Variants in ASAH2 observed in about 807,000 individuals in gnomAD.
ASAH2 encodes the protein N-acylsphingosine amidohydrolase 2.
A neutral mutation model predicts 82.9 loss-of-function variants in ASAH2; 58 were observed. That is an observed-to-expected ratio of 0.70 (90% CI 0.57 to 0.87). The LOEUF (loss-of-function observed/expected upper bound fraction) is 0.87, where lower values mean the gene tolerates loss of function less well. ASAH2 is among the 40% of genes least tolerant of loss of function. ASAH2 has a pLI of 0.00. For synonymous variants in ASAH2, 276 were observed against 289.7 expected (o/e 0.95, Z 0.48); for missense variants, 779 against 834.0 (o/e 0.93, Z 0.81).
chr10:50,211,510 T>G (rs891227811), intron 10 of ASAH2, among the ~76,000 whole-genome samples: 40 of 152,296 alleles, frequency 2.6e-4, no homozygotes, highest in Middle Eastern at 3.4e-3. Context: ...TGTGTTTTTA[T>G]AGGGTCTTCC....
intron 7 of ASAH2, among the ~76,000 whole-genome samples, chr10:50,221,110 G>T (rs994042189): frequency 6.6e-6 from 1 of 152,162 alleles, no homozygotes; most frequent in Non-Finnish European, 1.5e-5. Flanking sequence ...CATTTATTGG[G>T]CTGAAGATAT....
chr10:50,216,732 C>T (rs1343789585), intron 8 of ASAH2, among the ~76,000 whole-genome samples: 1 of 152,192 alleles, frequency 6.6e-6, no homozygotes, highest in African/African-American at 2.4e-5. Context: ...CCCAACCACT[C>T]TACCATTCTA....
chr10:50,234,397 C>T lies in ASAH2; in HGVS notation c.815+28G>A, dbSNP rs561221017. 34 of 1,612,548 alleles carry T rather than the reference C, an allele frequency of 2.1e-5. No individual in the cohort carries two copies. In the African/African-American group the frequency reaches 2.9e-4, roughly 14 times the overall value. On this transcript the variant is annotated intron_variant, in intron 6 of 20. Transcript: ENST00000682911. ...TTGCTGTTCCCTAAAGGGAATGAAA[C>T]GATTTCATTTTGACGATTCCTCCTC... is the stretch of plus-strand genomic sequence containing the variant.
In ASAH2 at chr10:50,243,334, G is replaced by A. The variant is rs200181012; in HGVS notation, c.378C>T (p.Ser126=). 94 of 1,613,814 alleles carry A rather than the reference G, an allele frequency of 5.8e-5. 1 individual carries two copies. Among genetic ancestry groups the A allele is most frequent in the African/African-American group, 8.0e-5 (6 of 74,878 alleles). Residue 126 remains serine, a synonymous_variant, in exon 4 of 21, where the codon TCC becomes TCT. Transcript: ENST00000682911. ...TGAGGATGCCCTGTGCATTCTGGCC[G>A]GATTTGCCATAGCCCATCTAAAGAG... ...ADINLMGYGK[S]GQNAQGILTR... is the part of the protein sequence containing the mutation.
At chr10:50,217,436 C>T (rs1010367615) in intron 8 of ASAH2, among the ~76,000 whole-genome samples, 58 of 152,162 alleles carry the variant, frequency 3.8e-4, no homozygotes, top group Admixed American at 9.2e-4. Flanking sequence ...ACCATGTTGG[C>T]CAGGCTGGTC....
At chr10:50,234,652 T>C (rs532562151) in intron 5 of ASAH2, 100 bp from the exon 6 acceptor site, 1 of 1,508,504 alleles carries the variant, frequency 6.6e-7, no homozygotes, top group Admixed American at 1.7e-5. Context: ...ACAATTTCCT[T>C]TGTCTCTAAT....
In ASAH2 at chr10:50,202,843, A is replaced by T; in HGVS notation, c.1747T>A (p.Tyr583Asn). ...CNVYTHYITT[Y>N]EEYQAQRYEA... ...TTTTGCTTTACCTGGTATTCTTCAT[A>T]AGTGGTAATGTAATGTGTATAGACG... Residue 583 changes from tyrosine (Y) to asparagine (N), a missense_variant, in exon 16 of 21, where the codon TAT (tyrosine) becomes AAT (asparagine). This residue lies in a region of ASAH2 where 759 missense variants were observed against 755.2 expected (regional missense o/e 1.00). Transcript: ENST00000682911. The T allele has an allele frequency of 6.2e-7, 1 of 1,608,040 alleles. No individual in the cohort carries two copies. Among genetic ancestry groups the T allele is most frequent in the Non-Finnish European group, 8.5e-7 (1 of 1,174,896 alleles).
chr10:50,223,539 T>G (rs1845800531), intron 7 of ASAH2, among the ~76,000 whole-genome samples: 1 of 152,146 alleles, frequency 6.6e-6, no homozygotes, highest in East Asian at 1.9e-4. Flanking sequence ...AATAGAATAC[T>G]GTGTATCCAT....
chr10:50,245,852 T>C (rs1418554456), intron 2 of ASAH2, among the ~76,000 whole-genome samples: 1 of 152,122 alleles, frequency 6.6e-6, no homozygotes, highest in Non-Finnish European at 1.5e-5. Context: ...CCTCTCCATC[T>C]ACCAAACTCC....
chr10:50,211,635 G>T (rs2133207174), intron 10 of ASAH2, among the ~76,000 whole-genome samples: 1 of 152,222 alleles, frequency 6.6e-6, no homozygotes, highest in Admixed American at 6.5e-5. Context: ...CGGTGCTTTT[G>T]CTTTTGTGTT....
At chr10:50,248,435 G>A (rs201170544) in intron 2 of ASAH2, 49 bp downstream of exon 2, 38 of 1,602,526 alleles carry the variant, frequency 2.4e-5, no homozygotes, top group Non-Finnish European at 8.5e-6. Flanking sequence ...TAATCAAGAA[G>A]TTTCATACAG....
At chr10:50,218,401 A>G in intron 8 of ASAH2, 109 bp downstream of exon 8, 1 of 1,475,260 alleles carries the variant, frequency 6.8e-7, no homozygotes, top group East Asian at 2.3e-5. Context: ...AATATGTGAG[A>G]TTGATGATGA....
Position 50,235,972 on chromosome 10 carries a change from T to C in ASAH2, c.603A>G (p.Gly201=), listed in dbSNP as rs1846149157. 1.2e-5 allele frequency: 19 copies of C among 1,613,270 alleles called. No homozygotes were observed. The South Asian group carries it at 1.4e-4, about 12-fold the overall frequency. The change falls in exon 5 of 21, where the codon GGA becomes GGG. Residue 201 remains glycine (G), a synonymous_variant. Transcript: ENST00000682911. The part of the protein sequence containing the change: ...SGTHTHSGPA[G]YFQYTVFVIA... ...TTACAAACACGGTATACTGGAAATA[T>C]CCTGCAGGACCTGAATGAGTGTGAG...
intron 4 of ASAH2, among the ~76,000 whole-genome samples, chr10:50,237,728 C>T (rs1846196007): frequency 2.6e-5 from 4 of 152,084 alleles, no homozygotes; most frequent in South Asian, 4.2e-4. Flanking sequence ...GTATTTGTTG[C>T]TGATTATGCT....
In ASAH2 at chr10:50,199,140, G is replaced by A. The variant is rs1194660932; in HGVS notation, c.1768C>T (p.Arg590Ter). Residue 590 changes from arginine to a stop codon, truncating the protein, a stop_gained, in exon 17 of 21, where the codon CGA (arginine) becomes TGA (stop). Coordinates refer to ENST00000682911, the MANE Select transcript of ASAH2 (RefSeq NM_019893.4). LOFTEE classifies it high-confidence loss of function. ...TAAATTGTCGATGCTGCCTCATATC[G>A]CTGAGCCTGCAGGAAAGGCAGGGAG... The part of the protein sequence containing the change: ...ITTYEEYQAQ[R>*]YEAASTIYGP... 4 of 1,612,962 alleles carry A rather than the reference G, an allele frequency of 2.5e-6. No individual in the cohort carries two copies. Among genetic ancestry groups the A allele is most frequent in the East Asian group, 2.2e-5 (1 of 44,850 alleles).
intron 15 of ASAH2, 94 bp from the exon 16 acceptor site, chr10:50,203,018 ATT>A: frequency 1.1e-6 from 1 of 887,514 alleles, no homozygotes; most frequent in Middle Eastern, 2.2e-4. Context: ...TGATTACACT[ATT>A]AGTTTAAGAT....
At chr10:50,243,476 CTGAG>C in intron 3 of ASAH2, 125 bp from the exon 4 acceptor site, 1 of 1,012,364 alleles carries the variant, frequency 9.9e-7, no homozygotes, top group Non-Finnish European at 1.4e-6. Flanking sequence ...CATGGTGGCT[CTGAG>C]TGAGAGGATA....
chr10:50,226,089 T>C (rs1205957118), intron 7 of ASAH2, among the ~76,000 whole-genome samples: 4 of 150,004 alleles, frequency 2.7e-5, no homozygotes, highest in Admixed American at 6.6e-5. Flanking sequence ...CAAGACTCCA[T>C]CTAAAAAAAA....
intron 4 of ASAH2, among the ~76,000 whole-genome samples, chr10:50,241,806 A>C (rs1846303398): frequency 6.6e-6 from 1 of 152,094 alleles, no homozygotes; most frequent in Non-Finnish European, 1.5e-5. Flanking sequence ...ATCAAACACC[A>C]CATGTTCTCA....
Sources: allele counts gnomAD v4.1 joint callset (sites outside exome capture counted in the v4.1 genomes callset), GRCh38; gene constraint gnomAD v4.1.1; regional missense constraint gnomAD v4.1.1; transcripts MANE v1.5; gene names NCBI Gene and HGNC (gene_info 2026-07-23, HGNC 2026-07-21).